Variants in SNAP23 observed in about 807,000 individuals in gnomAD.
SNAP23 encodes synaptosomal-associated protein 23.
A neutral mutation model predicts 29.0 loss-of-function variants in SNAP23; 11 were observed. The observed-to-expected ratio is 0.38, with a 90% CI of 0.24 to 0.63. The LOEUF is 0.63. SNAP23 is among the 20% of genes least tolerant of loss of function. The probability of loss-of-function intolerance (pLI) is 0.58; values close to 1 mark genes in which losing one functional copy is unlikely to be tolerated. For missense variants in SNAP23, 220 were observed against 253.9 expected, an observed-to-expected ratio of 0.87 and a Z score of 0.91; for synonymous variants, 60 against 82.9, an observed-to-expected ratio of 0.72 and a Z score of 1.50.
intron 1 of SNAP23, among the ~76,000 whole-genome samples, chr15:42,508,076 A>G (rs1001587719): frequency 2.6e-5 from 4 of 151,872 alleles, no homozygotes; most frequent in Non-Finnish European, 5.9e-5. Flanking sequence ...ACCAGCCTGG[A>G]TAACATAGTG....
At chr15:42,506,026 A>G (rs2057314569) in intron 1 of SNAP23, among the ~76,000 whole-genome samples, 1 of 147,496 alleles carries the variant, frequency 6.8e-6, no homozygotes. Context: ...ACTAACTGCA[A>G]CCACTCCCTC....
chr15:42,503,260 G>T (rs976036917), intron 1 of SNAP23, among the ~76,000 whole-genome samples: 1 of 151,990 alleles, frequency 6.6e-6, no homozygotes, highest in Non-Finnish European at 1.5e-5. Flanking sequence ...GGAGTGCAGC[G>T]GTGCGATCTC....
chr15:42,495,261 G>A (rs6493048), upstream of SNAP23: 13,441 of 152,162 alleles, frequency 0.088, 874 homozygotes, highest in African/African-American at 0.17. Context: ...ATCAGCCAAA[G>A]GCGCCTCAAA....
chr15:42,509,149 T>C (rs1202949665), intron 1 of SNAP23, among the ~76,000 whole-genome samples: 1 of 152,080 alleles, frequency 6.6e-6, no homozygotes, highest in Admixed American at 6.6e-5. Context: ...AAAAATAATC[T>C]CCATTTACTT....
chr15:42,508,252 A>C, intron 1 of SNAP23, among the ~76,000 whole-genome samples: 1 of 147,152 alleles, frequency 6.8e-6, no homozygotes, highest in Admixed American at 6.7e-5. Context: ...GACAGAGTGA[A>C]GCCTTGCCTC....
Position 42,515,264 on chromosome 15 carries a change from T to C in SNAP23, c.176T>C (p.Leu59Ser). The C allele has an allele frequency of 6.2e-7, 1 of 1,611,070 alleles. No homozygotes were observed. The highest frequency in any genetic ancestry group is 1.1e-5 in the South Asian group (1 of 90,642). ...CAACTAAACCGCATAGAAGAAGGCTTGGACCAAATAAATAAGGACATGAGA... is the reference window on the plus strand; with the variant it reads ...CAACTAAACCGCATAGAAGAAGGCTCGGACCAAATAAATAAGGACATGAGA... ...KEQLNRIEEG[L>S]DQINKDMRET... The change falls in exon 5 of 8, where the codon TTG (leucine) becomes TCG (serine). Residue 59 changes from leucine to serine, a missense_variant. Transcript: ENST00000249647.
At chr15:42,498,864 A>T (rs1158593593) in intron 1 of SNAP23, among the ~76,000 whole-genome samples, 3 of 152,198 alleles carry the variant, frequency 2.0e-5, no homozygotes, top group Admixed American at 1.3e-4. Flanking sequence ...CTGCAGCTTG[A>T]ATATTTGTCT....
At chr15:42,512,904 AT>A (rs762060600) in intron 2 of SNAP23, 50 bp from the exon 3 acceptor site, 37 of 1,411,566 alleles carry the variant, frequency 2.6e-5, no homozygotes, top group Admixed American at 7.0e-5. Flanking sequence ...CTGTGATCAG[AT>A]TTTTTTTTCT....
chr15:42,492,212 C>T (rs1026968474), upstream of SNAP23, among the ~76,000 whole-genome samples: 1 of 151,980 alleles, frequency 6.6e-6, no homozygotes, highest in Non-Finnish European at 1.5e-5. Flanking sequence ...CGCCCGGCCG[C>T]CTATATTTAT....
upstream of SNAP23, among the ~76,000 whole-genome samples, chr15:42,493,913 CCTCT>C (rs995513744): frequency 2.6e-5 from 4 of 151,314 alleles, no homozygotes; most frequent in African/African-American, 9.7e-5. Context: ...GGAAATATCT[CCTCT>C]CTCTCTCTTT....
chr15:42,510,978 C>A (rs188971762), intron 1 of SNAP23, among the ~76,000 whole-genome samples: 1 of 152,044 alleles, frequency 6.6e-6, no homozygotes, highest in East Asian at 1.9e-4. Context: ...TGTCATTGAC[C>A]GTGAGTTTTG....
chr15:42,522,618 G>GTCCCT (rs2057458269), intron 5 of SNAP23, among the ~76,000 whole-genome samples: 1 of 147,940 alleles, frequency 6.8e-6, no homozygotes, highest in Non-Finnish European at 1.5e-5. Context: ...TAGTTATTTG[G>GTCCCT]TCCCTTTTCT....
At chr15:42,525,251 C>A (rs1344950916) in intron 5 of SNAP23, among the ~76,000 whole-genome samples, 1 of 151,184 alleles carries the variant, frequency 6.6e-6, no homozygotes, top group Non-Finnish European at 1.5e-5. Flanking sequence ...GCCTGTAGTC[C>A]CAGCTATTCG....
At chr15:42,497,844 G>T (rs978056530) in intron 1 of SNAP23, among the ~76,000 whole-genome samples, 1 of 152,190 alleles carries the variant, frequency 6.6e-6, no homozygotes, top group African/African-American at 2.4e-5. Context: ...TGCTATGGGG[G>T]AATAGGCATT....
At chr15:42,503,709 G>A (rs529591340) in intron 1 of SNAP23, among the ~76,000 whole-genome samples, 34 of 152,018 alleles carry the variant, frequency 2.2e-4, no homozygotes, top group African/African-American at 7.7e-4. Flanking sequence ...TTCCATGTTG[G>A]CCAGTCTGGT....
intron 1 of SNAP23, among the ~76,000 whole-genome samples, chr15:42,498,590 A>C (rs925445030): frequency 3.3e-5 from 5 of 152,160 alleles, no homozygotes; most frequent in Non-Finnish European, 4.4e-5. Context: ...TGCCATGAAG[A>C]TCTCTGATAT....
In SNAP23 at chr15:42,531,493, T is replaced by G; in HGVS notation, c.*15T>G. 1 of 1,585,784 alleles carries G rather than the reference T, an allele frequency of 6.3e-7. No homozygotes were observed. The highest frequency in any genetic ancestry group is 8.6e-7 in the Non-Finnish European group (1 of 1,162,562). On this transcript the variant is annotated 3_prime_UTR_variant, in exon 8 of 8. Coordinates refer to ENST00000249647, the MANE Select transcript of SNAP23 (RefSeq NM_003825.4). The stretch of plus-strand genomic sequence containing the variant: ...TTGACAGCTAAAGCTACTGCTGTTC[T>G]TCTTTATCATTTATTCACTTCCGTA...
chr15:42,497,537 G>C (rs1366888448), intron 1 of SNAP23, among the ~76,000 whole-genome samples: 1 of 151,998 alleles, frequency 6.6e-6, no homozygotes, highest in Non-Finnish European at 1.5e-5. Context: ...TAGAGACGGG[G>C]TTTCACTCTA....
At chr15:42,527,412 G>T (rs1403384839) in intron 5 of SNAP23, among the ~76,000 whole-genome samples, 2 of 151,756 alleles carry the variant, frequency 1.3e-5, no homozygotes, top group East Asian at 3.9e-4. Context: ...TTAAGATTAG[G>T]TCTCACTCTG....
Sources: gnomAD v4.1 joint callset for allele counts (sites outside exome capture counted in the v4.1 genomes callset) on GRCh38, gnomAD v4.1.1 for gene constraint, MANE v1.5 for transcripts, NCBI Gene and HGNC (gene_info 2026-07-23, HGNC 2026-07-21) for gene names.